Variants in PEBP4 observed in about 807,000 individuals in gnomAD.
The protein encoded by PEBP4 is phosphatidylethanolamine binding protein 4.
Under a neutral mutation model 23.9 loss-of-function variants are expected in PEBP4, and 22 were observed. That is an observed-to-expected ratio of 0.92 (90% CI 0.66 to 1.31). The LOEUF (loss-of-function observed/expected upper bound fraction) is 1.31. Among genes scored for constraint, PEBP4 ranks in the 40% most tolerant of loss-of-function variants. The pLI, the probability that PEBP4 is intolerant of heterozygous loss-of-function variation, is 0.00. For missense variants in PEBP4, 324 were observed against 281.7 expected, an observed-to-expected ratio of 1.15 and a Z score of -1.07; for synonymous variants, 112 against 99.3, an observed-to-expected ratio of 1.13 and a Z score of -0.76.
chr8:22,845,027 C>G (rs917289504), intron 3 of PEBP4, among the ~76,000 whole-genome samples: 25 of 152,206 alleles, frequency 1.6e-4, no homozygotes. Flanking sequence ...CTAATTTACC[C>G]AGGATGCAAA....
chr8:22,930,190 T>C (rs763140381), upstream of PEBP4, among the ~76,000 whole-genome samples: 2 of 152,138 alleles, frequency 1.3e-5, no homozygotes, highest in Non-Finnish European at 2.9e-5. Context: ...TCTCACATGT[T>C]ACCTCTGGCG....
rs182648439 is a variant in PEBP4 at position 22,812,198 on chromosome 8, G to A, written c.357+5439C>T. Among the ~76,000 whole-genome samples the A allele has an allele frequency of 3.5e-4, 54 of 152,282 alleles. 1 individual carries two copies. In the East Asian group the frequency reaches 4.4e-3, roughly 13 times the overall value. On this transcript the variant is annotated intron_variant, in intron 4 of 6. Transcript: ENST00000256404. ...AAACAACTCGCTCAGCAGTGGAACC[G>A]ATCACTCAAGCACAGGTGTCCTGGC...
chr8:22,790,067 T>A (rs1806108557), intron 4 of PEBP4, among the ~76,000 whole-genome samples: 1 of 152,224 alleles, frequency 6.6e-6, no homozygotes, highest in South Asian at 2.1e-4. Context: ...AATAGCCTGC[T>A]AGCAGATCTC....
intron 4 of PEBP4, among the ~76,000 whole-genome samples, chr8:22,734,531 A>T (rs1804814232): frequency 6.6e-6 from 1 of 152,136 alleles, no homozygotes; most frequent in Non-Finnish European, 1.5e-5. Flanking sequence ...GGCAGTGGGG[A>T]CAGCTTGGTG....
chr8:22,719,561 C>T (rs1284065077), intron 6 of PEBP4, among the ~76,000 whole-genome samples: 1 of 152,114 alleles, frequency 6.6e-6, no homozygotes, highest in Non-Finnish European at 1.5e-5. Flanking sequence ...TGTCTGTATC[C>T]CCACTGGGGC....
intron 3 of PEBP4, among the ~76,000 whole-genome samples, chr8:22,867,058 G>A (rs1165831954): frequency 6.6e-6 from 1 of 152,180 alleles, no homozygotes; most frequent in Non-Finnish European, 1.5e-5. Context: ...TGCAGGAGAT[G>A]AGGCCTCAAA....
At chr8:22,880,856 A>G (rs1050935999) in intron 3 of PEBP4, among the ~76,000 whole-genome samples, 9 of 152,324 alleles carry the variant, frequency 5.9e-5, no homozygotes, top group African/African-American at 1.2e-4. Context: ...AGGAGCTTCT[A>G]TAGACCTCAA....
In PEBP4 at chr8:22,753,946, TAGGGTGTGGGCTG is replaced by T. The variant is rs555011589; in HGVS notation, c.358-26739_358-26727del. On this transcript the variant is annotated intron_variant, in intron 4 of 6. Transcript: ENST00000256404. ...ACCTCTGCTGATTCTACATGTTTGA[TAGGGTGTGGGCTG>T]AGGGTGTGGGCTGAGGGTCCCAAAT... Among the ~76,000 whole-genome samples the T allele has an allele frequency of 5.9e-4, 89 of 152,078 alleles. 2 individuals are homozygous for T. In the South Asian group the frequency reaches 0.013, roughly 22 times the overall value.
chr8:22,894,128 A>G (rs551635343), intron 3 of PEBP4, among the ~76,000 whole-genome samples: 15 of 152,312 alleles, frequency 9.8e-5, no homozygotes, highest in African/African-American at 3.6e-4. Flanking sequence ...GTGATTACCT[A>G]GAACAAAGTA....
chr8:22,743,548 T>G (rs1805045347), intron 4 of PEBP4, among the ~76,000 whole-genome samples: 1 of 152,188 alleles, frequency 6.6e-6, no homozygotes, highest in Admixed American at 6.5e-5. Context: ...GAGTGGGGGC[T>G]AAATGGTTCC....
intron 4 of PEBP4, among the ~76,000 whole-genome samples, chr8:22,807,879 C>T (rs1214493422): frequency 6.6e-6 from 1 of 151,602 alleles, no homozygotes; most frequent in African/African-American, 2.4e-5. Context: ...CTCTATCCAT[C>T]CATCCATCCA....
chr8:22,910,775 G>A (rs1417706199), intron 3 of PEBP4, among the ~76,000 whole-genome samples: 4 of 152,338 alleles, frequency 2.6e-5, no homozygotes, highest in African/African-American at 9.6e-5. Context: ...CGGAGACAGC[G>A]AAAAGACCAG....
intron 3 of PEBP4, among the ~76,000 whole-genome samples, chr8:22,867,658 C>T (rs1585314751): frequency 6.6e-6 from 1 of 152,166 alleles, no homozygotes; most frequent in Admixed American, 6.5e-5. Flanking sequence ...AACCCCACCC[C>T]AAGAGTTGCA....
At chr8:22,811,256 G>C (rs1028719974) in intron 4 of PEBP4, among the ~76,000 whole-genome samples, 13 of 152,168 alleles carry the variant, frequency 8.5e-5, no homozygotes, top group African/African-American at 3.1e-4. Context: ...TCTAAGGGCT[G>C]ATTATATTTA....
At chr8:22,760,972 T>C (rs569187575) in intron 4 of PEBP4, among the ~76,000 whole-genome samples, 1 of 152,304 alleles carries the variant, frequency 6.6e-6, no homozygotes, top group African/African-American at 2.4e-5. Flanking sequence ...ATTAGTCCTC[T>C]CTTGCACCTT....
At chr8:22,720,908 C>T (rs1374884360) in intron 6 of PEBP4, among the ~76,000 whole-genome samples, 11 of 152,228 alleles carry the variant, frequency 7.2e-5, no homozygotes, top group Non-Finnish European at 4.4e-5. Context: ...GCCAAGTATA[C>T]ACTAGGCATC....
chr8:22,817,484 A>C (rs1806767462), intron 4 of PEBP4, among the ~76,000 whole-genome samples, 153 bp downstream of exon 4: 1 of 152,176 alleles, frequency 6.6e-6, no homozygotes. Flanking sequence ...TTGTTGGAAA[A>C]CTTGGGAGGG....
At chr8:22,837,953 C>T (rs1807241742) in intron 3 of PEBP4, among the ~76,000 whole-genome samples, 1 of 126,398 alleles carries the variant, frequency 7.9e-6, no homozygotes, top group Admixed American at 1.0e-4. Context: ...AGCTGGAGTG[C>T]AGTGGTGTGA....
chr8:22,749,891 C>T lies in PEBP4; in HGVS notation c.358-22671G>A, dbSNP rs78615392. Among the ~76,000 whole-genome samples, 9 of 146,796 alleles carry T rather than the reference C, an allele frequency of 6.1e-5. No individual in the cohort carries two copies. In the East Asian group the frequency reaches 1.8e-3, roughly 30 times the overall value. On this transcript the variant is annotated intron_variant, in intron 4 of 6. Coordinates refer to ENST00000256404, the MANE Select transcript of PEBP4 (RefSeq NM_144962.3). ...GCACGATGTTGTCTCACTGGAACCT[C>T]TGCCTCCTAGGTTCAAGCGATTCTC...
Sources: gnomAD v4.1 joint callset for allele counts (sites outside exome capture counted in the v4.1 genomes callset) on GRCh38, gnomAD v4.1.1 for gene constraint, MANE v1.5 for transcripts, NCBI Gene and HGNC (gene_info 2026-07-23, HGNC 2026-07-21) for gene names.